DIS3L2: variants seen among roughly 807,000 people sequenced by gnomAD.
DIS3L2 encodes DIS3 like 3'-5' exoribonuclease 2, also known as DIS3-like exonuclease 2.
Under a neutral mutation model 97.5 loss-of-function variants are expected in DIS3L2, and 34 were observed. The ratio of observed to expected loss-of-function variants is 0.35; its 90% confidence interval spans 0.27 to 0.46. The LOEUF is 0.46. Among genes scored for constraint, DIS3L2 ranks in the 20% least tolerant of loss-of-function variants. DIS3L2 has a pLI of 1.00. For missense variants in DIS3L2, 1,038 were observed against 1,146.0 expected (o/e 0.91, Z 1.36); for synonymous variants, 435 against 445.2 (o/e 0.98, Z 0.29).
At position 232,316,240 on chromosome 2, in the gene DIS3L2, T is replaced by G. The variant is rs548409604; in HGVS notation, c.1740-13573T>G. 7.2e-5 allele frequency among the ~76,000 whole-genome samples: 11 copies of G among 152,258 alleles called. No individual in the cohort carries two copies. In the South Asian group the frequency reaches 2.1e-3, roughly 29 times the overall value. ...CTGTTAATGTTTGTGCTACCTAGAA[T>G]AAGAAGGAAGGAGTCATTCTACAGA... On this transcript the variant is annotated intron_variant, in intron 14 of 20. Transcript: ENST00000325385.
intron 9 of DIS3L2, among the ~76,000 whole-genome samples, chr2:232,197,349 C>T (rs1263229687): frequency 6.6e-6 from 1 of 152,070 alleles, no homozygotes; most frequent in African/African-American, 2.4e-5. Flanking sequence ...AAATTTTAAG[C>T]GTAGTATATT....
intron 13 of DIS3L2, among the ~76,000 whole-genome samples, chr2:232,282,919 C>T (rs1441714881): frequency 6.6e-6 from 1 of 152,184 alleles, no homozygotes; most frequent in African/African-American, 2.4e-5. Context: ...CTGTTGGAAG[C>T]GCCTTTTAAG....
chr2:232,249,297 C>G lies in DIS3L2; in HGVS notation c.1376C>G (p.Ser459Cys). Residue 459 changes from serine (S) to cysteine (C), a missense_variant, in exon 12 of 21, where the codon TCC (serine) becomes TGC (cysteine). Physicochemically the swap from Ser to Cys is moderately radical, Grantham distance 112. This residue lies in a region of DIS3L2 where 813 missense variants were observed against 880.1 expected (regional missense o/e 0.92). Transcript: ENST00000325385. ...CEELCSLNPMSDKLTFSVIWT... is the reference protein window; with the variant it reads ...CEELCSLNPMCDKLTFSVIWT... ...GAGCTGTGCAGCCTCAACCCCATGT[C>G]CGACAAGCTGACCTTCTCTGTGATC... is the stretch of plus-strand genomic sequence containing the variant. 6.2e-7 allele frequency: 1 copy of G among 1,614,242 alleles called. No individual in the cohort carries two copies. Among genetic ancestry groups the G allele is most frequent in the Non-Finnish European group, 8.5e-7 (1 of 1,180,042 alleles).
At chr2:232,231,089 C>T (rs549917781) in intron 10 of DIS3L2, among the ~76,000 whole-genome samples, 1 of 152,272 alleles carries the variant, frequency 6.6e-6, no homozygotes, top group East Asian at 1.9e-4. Context: ...CTCCAAAGTC[C>T]TTTTTACTAT....
At chr2:232,104,774 T>C (rs978812913) in intron 6 of DIS3L2, among the ~76,000 whole-genome samples, 5 of 152,196 alleles carry the variant, frequency 3.3e-5, no homozygotes, top group African/African-American at 1.2e-4. Flanking sequence ...AATATTCCAT[T>C]ATATTGTATA....
intron 5 of DIS3L2, among the ~76,000 whole-genome samples, chr2:232,076,352 C>G (rs777229706): frequency 6.6e-6 from 1 of 152,086 alleles, no homozygotes; most frequent in Non-Finnish European, 1.5e-5. Context: ...TTCTGCTTTC[C>G]CTCATAGTCC....
chr2:232,325,622 G>C lies in DIS3L2; in HGVS notation c.1740-4191G>C, dbSNP rs1350919326. The stretch of plus-strand genomic sequence containing the variant: ...CAGCCCCACCCCAGACCTCCAGAGT[G>C]GTGGGGCCCTGGTGGTGCAGGTTCC... On this transcript the variant is annotated intron_variant, in intron 14 of 20. Transcript: ENST00000325385. This position sits in a 1 kb window ranked among gnomAD's most constrained non-coding sequence, Gnocchi z 4.6. Among the ~76,000 whole-genome samples the C allele has an allele frequency of 4.6e-5, 7 of 152,200 alleles. No homozygotes were observed. Among genetic ancestry groups the C allele is most frequent in the Admixed American group, 1.3e-4 (2 of 15,286 alleles).
At chr2:232,219,459 G>T (rs1001445712) in intron 10 of DIS3L2, among the ~76,000 whole-genome samples, 1 of 151,936 alleles carries the variant, frequency 6.6e-6, no homozygotes, top group African/African-American at 2.4e-5. Context: ...TCCTTGTTTT[G>T]TGGGTTGCCT....
downstream of DIS3L2, among the ~76,000 whole-genome samples, chr2:232,342,128 TATATACAC>T (rs1489027750): frequency 3.9e-5 from 6 of 152,050 alleles, no homozygotes; most frequent in Non-Finnish European, 8.8e-5. Flanking sequence ...GTAGCATATA[TATATACAC>T]ATATACATAT....
chr2:232,100,804 GGTGTGTGTGT>G (rs61079731), intron 6 of DIS3L2, among the ~76,000 whole-genome samples: 6 of 147,742 alleles, frequency 4.1e-5, no homozygotes, highest in Admixed American at 6.7e-5. Flanking sequence ...TTGAAAGAAA[GGTGTGTGTGT>G]GTGTGTGTGT....
At chr2:232,330,839 C>A in intron 16 of DIS3L2, 63 bp downstream of exon 16, 2 of 1,502,640 alleles carry the variant, frequency 1.3e-6, no homozygotes, top group East Asian at 2.3e-5. Flanking sequence ...AGACCTGTGA[C>A]CTCCACGTGC....
rs575166723 is a variant in DIS3L2 at position 231,971,207 on chromosome 2, G to A, written c.-94+9442G>A. On this transcript the variant is annotated intron_variant, in intron 1 of 20. Transcript: ENST00000325385. ...AATTGTACTTTAGGTTTGGAGGTGC[G>A]TGTACAGGTTTGTTACATGGGTAAA... Among the ~76,000 whole-genome samples the A allele has an allele frequency of 7.3e-5, 11 of 151,578 alleles. No homozygotes were observed. In the South Asian group the frequency reaches 1.3e-3, roughly 17 times the overall value.
chr2:232,007,077 T>C (rs941882360), intron 1 of DIS3L2, among the ~76,000 whole-genome samples: 1 of 152,194 alleles, frequency 6.6e-6, no homozygotes, highest in Non-Finnish European at 1.5e-5. Context: ...TGATAGCTGG[T>C]AGCCTGAGGT....
At chr2:232,038,266 T>C (rs1342358407) in intron 5 of DIS3L2, among the ~76,000 whole-genome samples, 1 of 152,176 alleles carries the variant, frequency 6.6e-6, no homozygotes, top group Non-Finnish European at 1.5e-5. Flanking sequence ...AGAGGTCATT[T>C]GAGGGAGTAA....
chr2:232,181,660 A>C (rs1691273646), intron 9 of DIS3L2, among the ~76,000 whole-genome samples: 1 of 151,234 alleles, frequency 6.6e-6, no homozygotes, highest in African/African-American at 2.4e-5. Flanking sequence ...ATTTTTTGAG[A>C]CAATGTCTCA....
intron 1 of DIS3L2, among the ~76,000 whole-genome samples, chr2:231,976,871 C>T (rs1693112668): frequency 1.3e-5 from 2 of 151,080 alleles, no homozygotes; most frequent in African/African-American, 4.9e-5. Flanking sequence ...GGGTTGATGC[C>T]ATTCTCCCGC....
chr2:232,330,544 C>T lies in DIS3L2; in HGVS notation c.1924-146C>T, dbSNP rs542660867. ...GGGTGTGGGCGGCTGCCCCCTCTCCCCACCCATCCCCTCTGAGCAGGGCTG... is the reference window on the plus strand; with the variant it reads ...GGGTGTGGGCGGCTGCCCCCTCTCCTCACCCATCCCCTCTGAGCAGGGCTG... On this transcript the variant is annotated intron_variant, in intron 15 of 20. Transcript: ENST00000325385. 4.7e-3 allele frequency: 3,961 copies of T among 840,060 alleles called. 25 individuals carry two copies. The highest frequency in any genetic ancestry group is 6.6e-3 in the Non-Finnish European group (3,389 of 510,276). 52.0% of individuals were successfully genotyped at this position (840,060 alleles called of 1,614,324 possible). A position where few individuals can be genotyped will look rare whatever the true frequency, so the allele number is the denominator to read the frequency against.
downstream of DIS3L2, among the ~76,000 whole-genome samples, chr2:232,338,689 G>A (rs1175599540): frequency 1.3e-5 from 2 of 148,708 alleles, no homozygotes; most frequent in Admixed American, 6.6e-5. Context: ...CAGTCACACC[G>A]AGCCCCGCGT....
chr2:232,141,405 T>C (rs1574905674), intron 8 of DIS3L2, among the ~76,000 whole-genome samples: 1 of 152,186 alleles, frequency 6.6e-6, no homozygotes. Context: ...ATATGTGACA[T>C]GAATCGACCT....
Sources: allele counts gnomAD v4.1 joint callset (sites outside exome capture counted in the v4.1 genomes callset), GRCh38; gene constraint gnomAD v4.1.1; regional missense constraint gnomAD v4.1.1; non-coding constraint Gnocchi (gnomAD v3.1); transcripts MANE v1.5; gene names NCBI Gene and HGNC (gene_info 2026-07-23, HGNC 2026-07-21).